The following PPAT variants were observed in gnomAD, a reference collection of about 807,000 sequenced individuals.
PPAT encodes phosphoribosyl pyrophosphate amidotransferase, also known as amidophosphoribosyltransferase.
In PPAT, 20 loss-of-function variants were observed where a neutral mutation model predicts 60.2. That is an observed-to-expected ratio of 0.33 (90% CI 0.23 to 0.48). The LOEUF is 0.48. Ranked by LOEUF, PPAT falls within the 20% of genes least tolerant of loss-of-function variation. The pLI is 0.99. For synonymous variants in PPAT, 194 were observed against 215.1 expected, an observed-to-expected ratio of 0.90 and a Z score of 0.86; for missense variants, 349 against 629.6, an observed-to-expected ratio of 0.55 and a Z score of 4.77.
chr4:56,395,127 G>GT lies in PPAT; in HGVS notation c.*224dup. The GT allele has an allele frequency of 7.0e-6, 3 of 430,906 alleles. No homozygotes were observed. The Admixed American group carries it at 1.4e-4, about 21-fold the overall frequency. The allele number at this position is 430,906 out of a possible 1,614,324, so 26.7% of individuals were successfully genotyped here. On this transcript the variant is annotated 3_prime_UTR_variant, in exon 11 of 11. Coordinates refer to ENST00000264220, the MANE Select transcript of PPAT (RefSeq NM_002703.5). ...GTTAAAAAGGCTAGCCAATGCTTGTGTAAAAAAAAGAACACCACATATTGT... is the reference window on the plus strand; with the variant it reads ...GTTAAAAAGGCTAGCCAATGCTTGTGTTAAAAAAAAGAACACCACATATTGT...
At chr4:56,400,496 G>T in intron 8 of PPAT, 1 of 202,460 alleles carries the variant, frequency 4.9e-6, no homozygotes. Context: ...AATTGTTCAA[G>T]GGTCAACTGT....
At chr4:56,410,682 G>A in intron 1 of PPAT, 1 of 986,444 alleles carries the variant, frequency 1.0e-6, no homozygotes, top group Non-Finnish European at 1.2e-6. Context: ...TACAGAGACT[G>A]GAAACAGTGC....
At chr4:56,413,395 T>TC (rs1716566156) in intron 1 of PPAT, among the ~76,000 whole-genome samples, 1 of 152,174 alleles carries the variant, frequency 6.6e-6, no homozygotes, top group Non-Finnish European at 1.5e-5. Context: ...CCTCAAGTGA[T>TC]CTGCCCACCT....
chr4:56,417,835 G>GTTTTTTTTTTTTTTTTTTTT lies in PPAT; in HGVS notation c.129-10120_129-10119insAAAAAAAAAAAAAAAAAAAA, dbSNP rs1207160039. 3.6e-4 allele frequency among the ~76,000 whole-genome samples: 37 copies of GTTTTTTTTTTTTTTTTTTTT among 102,580 alleles called. 3 individuals carry two copies. The highest frequency in any genetic ancestry group is 1.3e-3 in the African/African-American group (37 of 28,762). 67.3% of individuals were successfully genotyped at this position (102,580 alleles called of 152,430 possible). On this transcript the variant is annotated intron_variant, in intron 1 of 10. Transcript: ENST00000264220. Reference sequence around the variant, plus strand: ...ATCTTCGGTATAATTTGAAGATTTGGTTTTTTGTTTTTTTTTTTTTTTTTG... The same window carrying GTTTTTTTTTTTTTTTTTTTT: ...ATCTTCGGTATAATTTGAAGATTTGGTTTTTTTTTTTTTTTTTTTTTTTTTTGTTTTTTTTTTTTTTTTTG...
At chr4:56,399,008 T>C (rs1716050206) in intron 9 of PPAT, among the ~76,000 whole-genome samples, 171 bp downstream of exon 9, 1 of 152,148 alleles carries the variant, frequency 6.6e-6, no homozygotes, top group South Asian at 2.1e-4. Flanking sequence ...AATGTAAGTG[T>C]GGCTGTGACA....
At chr4:56,421,858 G>C (rs1027172427) in intron 1 of PPAT, 5 of 152,252 alleles carry the variant, frequency 3.3e-5, no homozygotes, top group South Asian at 2.1e-4. Flanking sequence ...CTTAGTTAGA[G>C]ACTCAGATAC....
At chr4:56,402,394 A>G (rs1425994805) in intron 5 of PPAT, among the ~76,000 whole-genome samples, 1 of 152,220 alleles carries the variant, frequency 6.6e-6, no homozygotes, top group African/African-American at 2.4e-5. Flanking sequence ...TCATGGCTAG[A>G]AAAAGATATC....
intron 3 of PPAT, among the ~76,000 whole-genome samples, chr4:56,405,945 GTGGGACTGAGCCCTTAACTTC>G (rs919785783): frequency 9.2e-5 from 14 of 152,304 alleles, no homozygotes; most frequent in Admixed American, 5.9e-4. Flanking sequence ...GGACAATCTT[GTGGGACTGAGCCCTTAACTTC>G]TGGGACTGAG....
At position 56,400,902 on chromosome 4, in the gene PPAT, A is replaced by G. The variant is rs1324190304; in HGVS notation, c.896T>C (p.Val299Ala). 1 of 1,611,818 alleles carries G rather than the reference A, an allele frequency of 6.2e-7. No individual in the cohort carries two copies. The highest frequency in any genetic ancestry group is 8.5e-7 in the Non-Finnish European group (1 of 1,178,080). The change falls in exon 8 of 11, where the codon GTT becomes GCT. Residue 299 changes from valine to alanine, a missense_variant. Physicochemically the swap from Val to Ala is moderately conservative, Grantham distance 64 (BLOSUM62 0). Transcript: ENST00000264220. Reference protein sequence around the residue: ...RPDSMFEDQMVYTVRYRCGQQ... With the variant: ...RPDSMFEDQMAYTVRYRCGQQ... Reference sequence around the variant, plus strand: ...GCCACAACGGTATCTTACTGTATAAACCATTTGGTCTGGTGTGTTTGGAAA... The same window carrying G: ...GCCACAACGGTATCTTACTGTATAAGCCATTTGGTCTGGTGTGTTTGGAAA...
intron 1 of PPAT, chr4:56,421,083 AT>A: frequency 6.6e-6 from 1 of 152,392 alleles, no homozygotes; most frequent in South Asian, 2.1e-4. Context: ...CATCATGCAC[AT>A]TATGACCTGA....
intron 1 of PPAT, among the ~76,000 whole-genome samples, chr4:56,423,916 T>C (rs1188914579): frequency 6.6e-6 from 1 of 152,164 alleles, no homozygotes; most frequent in Non-Finnish European, 1.5e-5. Context: ...ACTCCGCTCT[T>C]AGGAAGAATG....
At chr4:56,414,028 T>C (rs1716598638) in intron 1 of PPAT, among the ~76,000 whole-genome samples, 3 of 152,246 alleles carry the variant, frequency 2.0e-5, no homozygotes, top group Non-Finnish European at 4.4e-5. Context: ...CACTTTTCTA[T>C]ACAATTTTAC....
chr4:56,409,743 T>C (rs6854326), intron 1 of PPAT, among the ~76,000 whole-genome samples: 49,840 of 152,136 alleles, frequency 0.33, 8,939 homozygotes, highest in Non-Finnish European at 0.41. Context: ...CCAAAGAATA[T>C]ATATCAGGAT....
At chr4:56,414,895 A>G (rs1177407446) in intron 1 of PPAT, among the ~76,000 whole-genome samples, 1 of 152,244 alleles carries the variant, frequency 6.6e-6, no homozygotes, top group African/African-American at 2.4e-5. Context: ...TTTAGCCTAA[A>G]GCAATTATAA....
At chr4:56,400,732 T>A (rs550923543) in intron 8 of PPAT, 52 bp downstream of exon 8, 1 of 1,526,282 alleles carries the variant, frequency 6.6e-7, no homozygotes, top group Non-Finnish European at 8.9e-7. Flanking sequence ...CAAGGGTTTC[T>A]TATTCCACAG....
chr4:56,426,202 AC>A (rs940325613), intron 1 of PPAT, among the ~76,000 whole-genome samples: 2 of 152,200 alleles, frequency 1.3e-5, no homozygotes, highest in African/African-American at 4.8e-5. Flanking sequence ...AGAGATCAAG[AC>A]CATCCTGGCC....
chr4:56,428,007 T>A (rs2110066024), intron 1 of PPAT, among the ~76,000 whole-genome samples: 1 of 152,284 alleles, frequency 6.6e-6, no homozygotes, highest in South Asian at 2.1e-4. Context: ...TTCACAAATA[T>A]CCAGTGAAGA....
chr4:56,431,521 C>A (rs1717583745), intron 1 of PPAT: 3 of 980,980 alleles, frequency 3.1e-6, no homozygotes, highest in Non-Finnish European at 2.4e-6. Context: ...CAGAATGTTT[C>A]TGCAGACAGA....
chr4:56,435,424 G>A lies in PPAT; in HGVS notation c.54C>T (p.Ile18=). ...IREECGVFGC[I]ASGEWPTQLD... ...GCTGCGTGGGCCACTCTCCTGAGGCGATGCACCCGAACACGCCACATTCCT... is the reference window on the plus strand; with the variant it reads ...GCTGCGTGGGCCACTCTCCTGAGGCAATGCACCCGAACACGCCACATTCCT... The change falls in exon 1 of 11, where the codon ATC becomes ATT. Residue 18 remains isoleucine (I), a synonymous_variant. Transcript: ENST00000264220. The A allele has an allele frequency of 1.2e-6, 2 of 1,613,882 alleles. No homozygotes were observed. Among genetic ancestry groups the A allele is most frequent in the Non-Finnish European group, 1.7e-6 (2 of 1,179,858 alleles).
Sources: gnomAD v4.1 joint callset for allele counts (sites outside exome capture counted in the v4.1 genomes callset) on GRCh38, gnomAD v4.1.1 for gene constraint, MANE v1.5 for transcripts, NCBI Gene and HGNC (gene_info 2026-07-23, HGNC 2026-07-21) for gene names.